SGCZ: variants seen among roughly 807,000 people sequenced by gnomAD.
SGCZ encodes the protein zeta-sarcoglycan.
In SGCZ, 40 loss-of-function variants were observed where a neutral mutation model predicts 41.3. The ratio of observed to expected loss-of-function variants is 0.97; its 90% CI spans 0.75 to 1.26. SGCZ has a LOEUF of 1.26. Ranked by LOEUF, SGCZ falls within the 50% of genes most tolerant of loss-of-function variation. SGCZ has a pLI of 0.00. For missense variants in SGCZ, 552 were observed against 369.8 expected (o/e 1.49, Z -4.04); for synonymous variants, 206 against 137.5 (o/e 1.50, Z -3.49).
At chr8:15,031,264 T>G (rs1227315932) in intron 1 of SGCZ, among the ~76,000 whole-genome samples, 2 of 152,120 alleles carry the variant, frequency 1.3e-5, no homozygotes, top group Admixed American at 1.3e-4. Context: ...CACAATTTCT[T>G]CTTAGTTATG....
At chr8:15,014,948 A>T (rs1802969764) in intron 1 of SGCZ, among the ~76,000 whole-genome samples, 1 of 152,206 alleles carries the variant, frequency 6.6e-6, no homozygotes, top group African/African-American at 2.4e-5. Context: ...GGGGCCTCAA[A>T]TTTCTGAAAA....
At chr8:14,202,372 G>C (rs1805482146) in intron 4 of SGCZ, among the ~76,000 whole-genome samples, 1 of 152,108 alleles carries the variant, frequency 6.6e-6, no homozygotes, top group Non-Finnish European at 1.5e-5. Flanking sequence ...TTTAGATTCT[G>C]ACTCTCAGAA....
chr8:15,142,345 A>T (rs1449502368), intron 1 of SGCZ, among the ~76,000 whole-genome samples: 1 of 152,128 alleles, frequency 6.6e-6, no homozygotes, highest in Non-Finnish European at 1.5e-5. Flanking sequence ...AATTAATTAT[A>T]TATTGGTTAT....
intron 3 of SGCZ, chr8:14,309,209 T>A: frequency 6.7e-7 from 1 of 1,496,140 alleles, no homozygotes; most frequent in Non-Finnish European, 9.3e-7. Flanking sequence ...GCGGCTGATC[T>A]CTAAGTTTGA....
chr8:14,888,163 G>C (rs971051097), intron 1 of SGCZ, among the ~76,000 whole-genome samples: 4 of 152,010 alleles, frequency 2.6e-5, no homozygotes, highest in Non-Finnish European at 5.9e-5. Context: ...TTTCAAAAAA[G>C]CAATACACCA....
At chr8:14,970,947 T>C (rs994003383) in intron 1 of SGCZ, among the ~76,000 whole-genome samples, 10 of 152,202 alleles carry the variant, frequency 6.6e-5, no homozygotes, top group African/African-American at 2.4e-4. Context: ...ATCTCTATAA[T>C]ATAGGTATTT....
At chr8:14,135,034 G>A (rs1803155463) in intron 5 of SGCZ, among the ~76,000 whole-genome samples, 1 of 152,082 alleles carries the variant, frequency 6.6e-6, no homozygotes, top group African/African-American at 2.4e-5. Flanking sequence ...TTAAAACAGA[G>A]TGTATGGTCA....
intron 5 of SGCZ, among the ~76,000 whole-genome samples, chr8:14,154,976 T>A (rs992869326): frequency 1.3e-5 from 2 of 152,188 alleles, no homozygotes; most frequent in African/African-American, 2.4e-5. Flanking sequence ...CTACCTCCAC[T>A]GAAGGCCGTT....
At chr8:14,479,727 A>ATTC (rs1244101937) in intron 2 of SGCZ, among the ~76,000 whole-genome samples, 9 of 109,382 alleles carry the variant, frequency 8.2e-5, no homozygotes, top group East Asian at 3.3e-4. Flanking sequence ...CCAGAATTCT[A>ATTC]CTTCTTTTTT....
intron 2 of SGCZ, among the ~76,000 whole-genome samples, chr8:14,461,646 C>T (rs997391088): frequency 6.6e-6 from 1 of 152,090 alleles, no homozygotes; most frequent in Non-Finnish European, 1.5e-5. Flanking sequence ...TCAGTGACAG[C>T]CTGCTGCAAA....
In SGCZ at chr8:14,602,056, C is replaced by T. The variant is rs180811667; in HGVS notation, c.40-47130G>A. Reference sequence around the variant, plus strand: ...AATGGCATGAACCCGGGAGGCGGAGCTTGCAGTGAGCCGAGATTGCGCCAC... The same window carrying T: ...AATGGCATGAACCCGGGAGGCGGAGTTTGCAGTGAGCCGAGATTGCGCCAC... On this transcript the variant is annotated intron_variant, in intron 1 of 7. Coordinates refer to ENST00000382080, the MANE Select transcript of SGCZ (RefSeq NM_139167.4). Among the ~76,000 whole-genome samples the T allele has an allele frequency of 9.8e-3, 1,497 of 152,026 alleles. 17 individuals are homozygous for T. Among genetic ancestry groups the T allele is most frequent in the Middle Eastern group, 0.045 (13 of 292 alleles).
chr8:14,716,620 A>G (rs1338047751), intron 1 of SGCZ, among the ~76,000 whole-genome samples: 1 of 152,140 alleles, frequency 6.6e-6, no homozygotes, highest in Non-Finnish European at 1.5e-5. Context: ...TGTCTGTAAT[A>G]GAAAAATTAA....
At chr8:14,511,265 A>T (rs1179548462) in intron 2 of SGCZ, among the ~76,000 whole-genome samples, 2 of 151,986 alleles carry the variant, frequency 1.3e-5, no homozygotes, top group Admixed American at 1.3e-4. Context: ...TTCTAATGCA[A>T]TGATTATTTA....
At chr8:14,123,715 T>C (rs147611645) in intron 5 of SGCZ, among the ~76,000 whole-genome samples, 11 of 152,328 alleles carry the variant, frequency 7.2e-5, no homozygotes, top group African/African-American at 2.4e-4. Flanking sequence ...ATCAATCAAT[T>C]AGAATGGTAG....
intron 5 of SGCZ, among the ~76,000 whole-genome samples, chr8:14,128,720 C>A (rs531296303): frequency 6.9e-6 from 1 of 144,594 alleles, no homozygotes; most frequent in African/African-American, 2.5e-5. Flanking sequence ...TATACATATA[C>A]ACACACACAC....
At chr8:14,295,514 T>C (rs1028213349) in intron 3 of SGCZ, among the ~76,000 whole-genome samples, 3 of 152,176 alleles carry the variant, frequency 2.0e-5, no homozygotes, top group Non-Finnish European at 4.4e-5. Context: ...TAGTAAGAAA[T>C]TTTAAAATAG....
At chr8:14,798,746 T>C (rs758690575) in intron 1 of SGCZ, among the ~76,000 whole-genome samples, 2 of 152,066 alleles carry the variant, frequency 1.3e-5, no homozygotes, top group African/African-American at 4.8e-5. Context: ...TATTAGATTA[T>C]GTAATTTAAG....
At chr8:14,153,142 T>C (rs2116956436) in intron 5 of SGCZ, among the ~76,000 whole-genome samples, 1 of 152,312 alleles carries the variant, frequency 6.6e-6, no homozygotes, top group South Asian at 2.1e-4. Flanking sequence ...ATTACAGTTT[T>C]ATAAGATGTT....
intron 1 of SGCZ, among the ~76,000 whole-genome samples, chr8:14,963,103 C>T (rs190299041): frequency 6.6e-6 from 1 of 152,102 alleles, no homozygotes; most frequent in Admixed American, 6.5e-5. Context: ...TTTACTAAAG[C>T]CAAAGCCCAG....
Sources: gnomAD v4.1 joint callset for allele counts (sites outside exome capture counted in the v4.1 genomes callset) on GRCh38, gnomAD v4.1.1 for gene constraint, MANE v1.5 for transcripts, NCBI Gene and HGNC (gene_info 2026-07-23, HGNC 2026-07-21) for gene names.